The following TTC34 variants were observed in gnomAD, a reference collection of about 807,000 sequenced individuals.
TTC34 encodes tetratricopeptide repeat domain 34, also known as tetratricopeptide repeat protein 34.
TTC34 carries 44 observed loss-of-function variants against 40.7 expected under a neutral mutation model. That is an observed-to-expected ratio of 1.08 (90% CI 0.85 to 1.39). The LOEUF (loss-of-function observed/expected upper bound fraction) is 1.39. Ranked by LOEUF, TTC34 falls within the 40% of genes most tolerant of loss-of-function variation. TTC34 has a pLI of 0.00. For missense variants in TTC34, 884 were observed against 838.0 expected, an observed-to-expected ratio of 1.05 and a Z score of -0.68; for synonymous variants, 422 against 398.6, an observed-to-expected ratio of 1.06 and a Z score of -0.70.
chr1:2,683,166 C>T (rs1334621227), intron 6 of TTC34, among the ~76,000 whole-genome samples: 32 of 118,104 alleles, frequency 2.7e-4, no homozygotes, highest in African/African-American at 5.9e-4. Flanking sequence ...GGAGAGCATC[C>T]GGCAGCCTGG....
chr1:2,758,460 T>G (rs1472017046), intron 6 of TTC34, among the ~76,000 whole-genome samples: 1 of 84,102 alleles, frequency 1.2e-5, no homozygotes, highest in Non-Finnish European at 2.1e-5. Flanking sequence ...CATGACAGCC[T>G]GGAAGAGCAC....
intron 6 of TTC34, among the ~76,000 whole-genome samples, chr1:2,652,920 C>A (rs545768781): frequency 2.0e-3 from 307 of 150,418 alleles, no homozygotes; most frequent in Admixed American, 4.3e-3. Flanking sequence ...TGGAGCAGCG[C>A]CCACACCCCC....
intron 6 of TTC34, among the ~76,000 whole-genome samples, chr1:2,684,864 A>G (rs368671503): frequency 2.4e-5 from 3 of 125,278 alleles, no homozygotes; most frequent in African/African-American, 3.6e-5. Flanking sequence ...GACAGCCTGG[A>G]GCAGCACCCA....
At chr1:2,756,927 G>A (rs1641525974) in intron 6 of TTC34, among the ~76,000 whole-genome samples, 16 of 151,980 alleles carry the variant, frequency 1.1e-4, no homozygotes, top group African/African-American at 3.9e-4. Context: ...GCATCTGACA[G>A]CCTGGAACAG....
chr1:2,799,242 T>A (rs1294596026), intron 2 of TTC34, among the ~76,000 whole-genome samples: 1 of 152,134 alleles, frequency 6.6e-6, no homozygotes, highest in East Asian at 1.9e-4. Context: ...CAGAGGAAAG[T>A]TTAAAAATGC....
At chr1:2,749,495 C>T (rs1345831539) in intron 6 of TTC34, among the ~76,000 whole-genome samples, 16 of 99,202 alleles carry the variant, frequency 1.6e-4, no homozygotes, top group Admixed American at 2.1e-4. Context: ...CCCAGGTGAG[C>T]ATTGGACAGC....
At chr1:2,698,575 TGAGCATCTGACAGCCTGGAACAGCACCC>T (rs1640976455) in intron 6 of TTC34, among the ~76,000 whole-genome samples, 1 of 13,318 alleles carries the variant, frequency 7.5e-5, no homozygotes, top group African/African-American at 1.7e-4. Context: ...CACCCCCAGA[TGAGCATCTGACAGCCTGGAACAGCACCC>T]ACACTCCCAG....
intron 6 of TTC34, among the ~76,000 whole-genome samples, chr1:2,691,527 G>A (rs1263781873): frequency 9.0e-6 from 1 of 111,644 alleles, no homozygotes; most frequent in African/African-American, 3.1e-5. Context: ...CGGAGAGTCT[G>A]GAACAGAACC....
intron 6 of TTC34, among the ~76,000 whole-genome samples, chr1:2,752,350 C>A (rs1379599340): frequency 0.15 from 1,599 of 10,620 alleles, 5 homozygotes; most frequent in South Asian, 0.21. Flanking sequence ...AGCATCTGAC[C>A]GCCTGGAACA....
chr1:2,692,243 C>T (rs1378145901), intron 6 of TTC34, among the ~76,000 whole-genome samples: 2 of 73,966 alleles, frequency 2.7e-5, no homozygotes, highest in South Asian at 4.2e-4. Context: ...GAGCATCCGA[C>T]AGCCTGGAGC....
intron 6 of TTC34, among the ~76,000 whole-genome samples, chr1:2,780,999 A>T (rs11590361): frequency 0.063 from 9,522 of 152,238 alleles, 358 homozygotes; most frequent in Middle Eastern, 0.1. Context: ...TAAGTATTTT[A>T]TTCTTTTTAA....
chr1:2,761,113 T>A (rs1641672263), intron 6 of TTC34, among the ~76,000 whole-genome samples: 1 of 46,322 alleles, frequency 2.2e-5, no homozygotes, highest in South Asian at 1.5e-3. Flanking sequence ...TCCTGGAGCA[T>A]CACATACTCC....
chr1:2,695,022 A>C (rs558501510), intron 6 of TTC34, among the ~76,000 whole-genome samples: 26 of 152,048 alleles, frequency 1.7e-4, no homozygotes, highest in South Asian at 1.7e-3. Flanking sequence ...AGCCTGGAAC[A>C]GCACCCTGCA....
At chr1:2,792,005 G>GTTTTTTTTTTTTTTTTT (rs1643668078) in intron 2 of TTC34, among the ~76,000 whole-genome samples, 1 of 29,892 alleles carries the variant, frequency 3.3e-5, no homozygotes, top group Non-Finnish European at 1.1e-4. Context: ...CTTGCCATAT[G>GTTTTTTTTTTTTTTTTT]CTTTTTTTTT....
In TTC34 at chr1:2,767,791, G is replaced by C. The variant is rs183694900; in HGVS notation, c.2226+15818C>G. Among the ~76,000 whole-genome samples the C allele has an allele frequency of 2.4e-3, 362 of 149,198 alleles. 6 individuals are homozygous for C. The highest frequency in any genetic ancestry group is 8.5e-3 in the African/African-American group (348 of 40,890). Reference sequence around the variant, plus strand: ...CCCCCAGTTGAGCATCTGACAGCCTGGGGCAGCACCCACACTCCCAGGTGA... The same window carrying C: ...CCCCCAGTTGAGCATCTGACAGCCTCGGGCAGCACCCACACTCCCAGGTGA... On this transcript the variant is annotated intron_variant, in intron 6 of 8. Transcript: ENST00000401095.
chr1:2,660,190 C>G (rs1440403107), intron 6 of TTC34, among the ~76,000 whole-genome samples: 1 of 113,148 alleles, frequency 8.8e-6, no homozygotes, highest in Admixed American at 8.5e-5. Context: ...CACCCACACC[C>G]CCAGGTGAGC....
intron 6 of TTC34, among the ~76,000 whole-genome samples, chr1:2,698,827 C>T (rs1202165903): frequency 3.4e-5 from 5 of 146,740 alleles, no homozygotes; most frequent in African/African-American, 1.3e-4. Flanking sequence ...GAGCATCTCA[C>T]AGCCTGCAAC....
intron 6 of TTC34, among the ~76,000 whole-genome samples, chr1:2,667,091 A>AC (rs1329855693): frequency 7.2e-5 from 1 of 13,914 alleles, no homozygotes; most frequent in African/African-American, 1.1e-3. Context: ...AGCAGTGCCC[A>AC]AACACCCAGG....
At chr1:2,652,357 C>G (rs563057636) in intron 6 of TTC34, among the ~76,000 whole-genome samples, 2 of 151,540 alleles carry the variant, frequency 1.3e-5, no homozygotes, top group African/African-American at 4.9e-5. Flanking sequence ...CCTGGAACAG[C>G]ACGCACACCC....
Sources: gnomAD v4.1 joint callset for allele counts (sites outside exome capture counted in the v4.1 genomes callset) on GRCh38, gnomAD v4.1.1 for gene constraint, MANE v1.5 for transcripts, NCBI Gene and HGNC (gene_info 2026-07-23, HGNC 2026-07-21) for gene names.